The following SYN3 variants were observed in gnomAD, a reference collection of about 807,000 sequenced individuals.
SYN3 encodes synapsin III, also known as synapsin-3.
In SYN3, 35 loss-of-function variants were observed where a neutral mutation model predicts 65.8. The observed-to-expected ratio is 0.53, with a 90% confidence interval of 0.41 to 0.70. SYN3 has a LOEUF of 0.70. Among genes scored for constraint, SYN3 ranks in the 30% least tolerant of loss-of-function variants. The pLI, the probability that SYN3 is intolerant of heterozygous loss-of-function variation, is 0.00. For synonymous variants in SYN3, 270 were observed against 292.9 expected (o/e 0.92, Z 0.80); for missense variants, 680 against 749.0 (o/e 0.91, Z 1.08).
chr22:32,645,803 T>C (rs777932948), intron 6 of SYN3, among the ~76,000 whole-genome samples: 4 of 151,180 alleles, frequency 2.6e-5, no homozygotes, highest in Non-Finnish European at 5.9e-5. Context: ...AAATACGGTA[T>C]GTAAGAGCAG....
chr22:32,951,422 C>G (rs1318424222), intron 3 of SYN3, among the ~76,000 whole-genome samples: 1 of 152,206 alleles, frequency 6.6e-6, no homozygotes, highest in African/African-American at 2.4e-5. Context: ...AAGCACTCAT[C>G]CCTACGTGAC....
chr22:32,871,596 T>C lies in SYN3; in HGVS notation c.462-2471A>G, dbSNP rs60925854. ...GGTTGCCTGCCACTCCATCCTCATT[T>C]ATTTTATTTTTTTAAATTATTATTT... On this transcript the variant is annotated intron_variant, in intron 4 of 13. Transcript: ENST00000358763. 7.0e-3 allele frequency among the ~76,000 whole-genome samples: 1,070 copies of C among 152,082 alleles called. 10 individuals are homozygous for C. Among genetic ancestry groups the C allele is most frequent in the African/African-American group, 0.024 (1,011 of 41,502 alleles).
intron 7 of SYN3, among the ~76,000 whole-genome samples, chr22:32,569,537 A>ATCTCTCTCTC (rs142418236): frequency 8.8e-6 from 1 of 113,508 alleles, no homozygotes; most frequent in African/African-American, 3.0e-5. Context: ...AAATCAATCA[A>ATCTCTCTCTC]TCTCTCTCTC....
intron 6 of SYN3, among the ~76,000 whole-genome samples, chr22:32,691,184 C>T (rs1279548489): frequency 1.3e-5 from 2 of 152,158 alleles, no homozygotes; most frequent in East Asian, 1.9e-4. Context: ...CTGGGCGCCC[C>T]GGTTCCTTCA....
At chr22:32,938,872 G>A (rs1028044397) in intron 3 of SYN3, among the ~76,000 whole-genome samples, 7 of 148,452 alleles carry the variant, frequency 4.7e-5, no homozygotes, top group African/African-American at 7.5e-5. Context: ...AGGTTGCAAT[G>A]AGCAGAGACT....
chr22:32,543,699 C>A (rs777765818), intron 7 of SYN3, among the ~76,000 whole-genome samples: 13 of 152,104 alleles, frequency 8.5e-5, no homozygotes, highest in Non-Finnish European at 1.6e-4. Context: ...GTCTGTCGTG[C>A]GGGTAGATGT....
intron 7 of SYN3, among the ~76,000 whole-genome samples, chr22:32,586,419 C>A (rs1490341388): frequency 6.6e-6 from 1 of 152,078 alleles, no homozygotes; most frequent in Non-Finnish European, 1.5e-5. Context: ...AACTCAATGC[C>A]AATGGTACTG....
intron 6 of SYN3, among the ~76,000 whole-genome samples, chr22:32,628,312 T>C (rs2059698348): frequency 6.6e-6 from 1 of 152,170 alleles, no homozygotes; most frequent in South Asian, 2.1e-4. Context: ...AGTGCCCTCA[T>C]TTAATTTACA....
chr22:32,814,439 C>T (rs964017863), intron 6 of SYN3, among the ~76,000 whole-genome samples: 1 of 152,046 alleles, frequency 6.6e-6, no homozygotes, highest in African/African-American at 2.4e-5. Flanking sequence ...GCTAAGCTAC[C>T]GTATTAAACA....
intron 6 of SYN3, among the ~76,000 whole-genome samples, chr22:32,840,490 C>T (rs542311381): frequency 7.2e-4 from 110 of 152,162 alleles, no homozygotes; most frequent in Non-Finnish European, 1.2e-3. Context: ...TCAGGCTGCT[C>T]GCCGCTCCCC....
At chr22:32,800,049 T>C (rs562326079) in intron 6 of SYN3, among the ~76,000 whole-genome samples, 1 of 152,314 alleles carries the variant, frequency 6.6e-6, no homozygotes, top group South Asian at 2.1e-4. Flanking sequence ...GGTTTCCCTT[T>C]CCTATGGCTA....
chr22:33,043,792 C>T (rs1332714265), intron 1 of SYN3, among the ~76,000 whole-genome samples: 5 of 152,064 alleles, frequency 3.3e-5, no homozygotes, highest in East Asian at 1.9e-4. Context: ...CAGTGGCTCA[C>T]GCCTGTAATC....
At chr22:32,674,265 C>A (rs1342825649) in intron 6 of SYN3, among the ~76,000 whole-genome samples, 6 of 152,140 alleles carry the variant, frequency 3.9e-5, no homozygotes, top group Non-Finnish European at 8.8e-5. Flanking sequence ...TCTTGTCTGT[C>A]CCTGAGGGAT....
intron 9 of SYN3, among the ~76,000 whole-genome samples, chr22:32,537,810 C>A (rs201446160): frequency 6.6e-6 from 1 of 152,200 alleles, no homozygotes; most frequent in East Asian, 1.9e-4. Context: ...CAAATCACTT[C>A]CCCTCTCTGA....
chr22:32,646,683 G>C (rs1232050177), intron 6 of SYN3, among the ~76,000 whole-genome samples: 1 of 152,190 alleles, frequency 6.6e-6, no homozygotes, highest in East Asian at 1.9e-4. Flanking sequence ...CTATGAGTAA[G>C]GGTTTTCTCG....
At chr22:32,844,011 C>T (rs1234418033) in intron 6 of SYN3, among the ~76,000 whole-genome samples, 1 of 152,074 alleles carries the variant, frequency 6.6e-6, no homozygotes, top group Admixed American at 6.6e-5. Flanking sequence ...AGGATTTGTA[C>T]TGCTCTTCCG....
intron 3 of SYN3, among the ~76,000 whole-genome samples, chr22:32,957,641 T>G (rs185238279): frequency 1.4e-4 from 22 of 152,328 alleles, no homozygotes; most frequent in Non-Finnish European, 2.5e-4. Flanking sequence ...CGAGGTTGAT[T>G]TGCAAATCCC....
intron 8 of SYN3, 53 bp downstream of exon 8, chr22:32,541,518 C>G (rs2146239072): frequency 6.2e-7 from 1 of 1,609,042 alleles, no homozygotes; most frequent in Admixed American, 1.7e-5. Flanking sequence ...TGGACATGCA[C>G]CTCTGGGCTG....
intron 12 of SYN3, chr22:32,518,621 A>G: frequency 1.9e-6 from 1 of 534,716 alleles, no homozygotes; most frequent in Admixed American, 2.7e-5. Flanking sequence ...TGAACAAAAT[A>G]GCTTAGAATA....
Sources: gnomAD v4.1 joint callset for allele counts (sites outside exome capture counted in the v4.1 genomes callset) on GRCh38, gnomAD v4.1.1 for gene constraint, MANE v1.5 for transcripts, NCBI Gene and HGNC (gene_info 2026-07-23, HGNC 2026-07-21) for gene names.